VPS13B: variants seen among roughly 807,000 people sequenced by gnomAD.
VPS13B encodes the protein vacuolar protein sorting 13 homolog B, also known as intermembrane lipid transfer protein VPS13B.
In VPS13B, 285 loss-of-function variants were observed where a neutral mutation model predicts 426.4. The observed-to-expected ratio is 0.67, with a 90% CI of 0.61 to 0.74. VPS13B has a LOEUF of 0.74. Among genes scored for constraint, VPS13B ranks in the 30% least tolerant of loss-of-function variants. VPS13B has a pLI of 0.00. For missense variants in VPS13B, 4,537 were observed against 4,782.6 expected (o/e 0.95, Z 1.51); for synonymous variants, 1,676 against 1,676.4 (o/e 1.00, Z 0.01).
intron 17 of VPS13B, among the ~76,000 whole-genome samples, chr8:99,196,691 G>A (rs1021493920): frequency 8.6e-5 from 13 of 151,862 alleles, no homozygotes; most frequent in African/African-American, 1.9e-4. Context: ...CACCCACCTC[G>A]TCCTCCTAAA....
chr8:99,225,718 T>C (rs567843689), intron 17 of VPS13B, among the ~76,000 whole-genome samples: 1 of 152,346 alleles, frequency 6.6e-6, no homozygotes, highest in Non-Finnish European at 1.5e-5. Flanking sequence ...TTGTTTCTAA[T>C]AGTACTGTTG....
chr8:99,747,158 A>C (rs1810130907), intron 39 of VPS13B, among the ~76,000 whole-genome samples: 1 of 152,122 alleles, frequency 6.6e-6, no homozygotes, highest in Non-Finnish European at 1.5e-5. Context: ...GAAAAGGATT[A>C]TTGGGCCAGA....
At chr8:99,391,017 A>G (rs1814413435) in intron 20 of VPS13B, among the ~76,000 whole-genome samples, 1 of 152,252 alleles carries the variant, frequency 6.6e-6, no homozygotes, top group Admixed American at 6.5e-5. Context: ...TTGTCAGACA[A>G]AACGTAGAGA....
At chr8:99,252,726 A>C (rs112482995) in intron 17 of VPS13B, among the ~76,000 whole-genome samples, 1 of 152,014 alleles carries the variant, frequency 6.6e-6, no homozygotes, top group Non-Finnish European at 1.5e-5. Context: ...ACATATTTCA[A>C]ATTGCTGTGT....
At chr8:99,697,916 C>A in intron 35 of VPS13B, 1 of 451,736 alleles carries the variant, frequency 2.2e-6, no homozygotes, top group South Asian at 1.9e-5. Flanking sequence ...CAAAGATGTT[C>A]ATGCCTCCAC....
intron 19 of VPS13B, among the ~76,000 whole-genome samples, chr8:99,306,804 A>G (rs191974101): frequency 4.9e-4 from 75 of 152,206 alleles, no homozygotes; most frequent in African/African-American, 1.6e-3. Flanking sequence ...CTCAGAACTT[A>G]TACTAAAAAA....
intron 21 of VPS13B, among the ~76,000 whole-genome samples, chr8:99,400,817 C>T (rs1347778350): frequency 5.9e-5 from 9 of 152,064 alleles, no homozygotes. Flanking sequence ...ATTACAGGTG[C>T]CCACCACCAC....
rs747097247 is a variant in VPS13B, at chr8:99,326,452, C to CTTTT, written c.2824+51225_2824+51228dup. Among the ~76,000 whole-genome samples, 52 of 32,520 alleles carry CTTTT rather than the reference C, an allele frequency of 1.6e-3. 17 individuals carry two copies. Among genetic ancestry groups the CTTTT allele is most frequent in the South Asian group, 0.01 (4 of 396 alleles). 21.3% of individuals were successfully genotyped at this position (32,520 alleles called of 152,430 possible). ...ATTTCTATCTATCATCTCTAGGTAG[C>CTTTT]TTTTTTTTTTTTTTTTTTTTTTTTT... On this transcript the variant is annotated intron_variant, in intron 19 of 61. Coordinates refer to ENST00000357162, the MANE Select transcript of VPS13B (RefSeq NM_152564.5).
In VPS13B at chr8:99,400,283, A is replaced by C. The variant is rs937929496; in HGVS notation, c.3082+8579A>C. On this transcript the variant is annotated intron_variant, in intron 21 of 61. Transcript: ENST00000357162. ...AAACAACAAAAAGAGGGAGGGGGAA[A>C]TAAGAACCCCCATCCCCACCCCAAA... 4.6e-5 allele frequency among the ~76,000 whole-genome samples: 7 copies of C among 152,218 alleles called. 1 individual carries two copies. Among genetic ancestry groups the C allele is most frequent in the African/African-American group, 1.7e-4 (7 of 41,458 alleles).
rs3105195 is a variant in VPS13B, at chr8:99,442,882, G to A, written c.3445+247G>A. ...ATAATATAATCATTAAAATGTAAACGTAGGAAAAATTAACTTGGGAAGAAA... is the reference window on the plus strand; with the variant it reads ...ATAATATAATCATTAAAATGTAAACATAGGAAAAATTAACTTGGGAAGAAA... On this transcript the variant is annotated intron_variant, in intron 23 of 61. Transcript: ENST00000357162. 0.17 allele frequency among the ~76,000 whole-genome samples: 26,428 copies of A among 151,838 alleles called. 2,815 individuals carry two copies. The highest frequency in any genetic ancestry group is 0.38 in the East Asian group (1,951 of 5,154).
intron 54 of VPS13B, among the ~76,000 whole-genome samples, chr8:99,836,489 T>G (rs1815399956): frequency 6.9e-6 from 1 of 145,534 alleles, no homozygotes; most frequent in South Asian, 2.3e-4. Flanking sequence ...TTGCCTGCTC[T>G]AAGTATCTCA....
At chr8:99,368,556 A>T (rs943127208) in intron 19 of VPS13B, among the ~76,000 whole-genome samples, 1 of 152,098 alleles carries the variant, frequency 6.6e-6, no homozygotes, top group Admixed American at 6.5e-5. Flanking sequence ...ATAGAATATT[A>T]TTTCTGTCTC....
intron 22 of VPS13B, 119 bp downstream of exon 22, chr8:99,431,783 T>C (rs1817125553): frequency 9.1e-7 from 1 of 1,094,892 alleles, no homozygotes; most frequent in Non-Finnish European, 1.3e-6. Context: ...CATCTCATTT[T>C]CTTAATTTAG....
chr8:99,839,833 T>C (rs182089187), intron 54 of VPS13B, among the ~76,000 whole-genome samples: 4 of 152,360 alleles, frequency 2.6e-5, no homozygotes, highest in Non-Finnish European at 4.4e-5. Context: ...GTGGTGGCTA[T>C]GAGAAATTTT....
intron 15 of VPS13B, among the ~76,000 whole-genome samples, chr8:99,163,889 G>A (rs1357310400): frequency 6.6e-6 from 1 of 152,258 alleles, no homozygotes; most frequent in Non-Finnish European, 1.5e-5. Flanking sequence ...TGCAACCAAA[G>A]TGGGAGCCCA....
Position 99,699,612 on chromosome 8 carries a change from T to A in VPS13B, c.6134T>A (p.Ile2045Lys). ...CAGATAAACCTTTTTTTAAAGAAGA[T>A]AAAAAATGCACACAGTTTGGCACAT... ...LDQINLFLKK[I>K]KNAHSLAHSE... Residue 2045 changes from isoleucine (I) to lysine (K), a missense_variant, in exon 36 of 62, where the codon ATA becomes AAA. By Grantham distance (102) the Ile-to-Lys change is moderately radical. Coordinates refer to ENST00000357162, the MANE Select transcript of VPS13B (RefSeq NM_152564.5). 6.2e-7 allele frequency: 1 copy of A among 1,614,018 alleles called. No homozygotes were observed. Among genetic ancestry groups the A allele is most frequent in the Non-Finnish European group, 8.5e-7 (1 of 1,179,980 alleles).
chr8:99,557,848 T>A (rs1472528672), intron 31 of VPS13B, among the ~76,000 whole-genome samples: 1 of 152,168 alleles, frequency 6.6e-6, no homozygotes, highest in Admixed American at 6.5e-5. Flanking sequence ...AAAGGCGGTA[T>A]TAGGCATTAA....
chr8:99,388,532 T>C (rs1814250505), intron 20 of VPS13B, among the ~76,000 whole-genome samples: 1 of 152,138 alleles, frequency 6.6e-6, no homozygotes, highest in South Asian at 2.1e-4. Context: ...TGAGACTAGA[T>C]TGCAACTGAA....
chr8:99,445,420 G>A (rs1054629269), intron 23 of VPS13B, among the ~76,000 whole-genome samples: 4 of 149,566 alleles, frequency 2.7e-5, no homozygotes, highest in South Asian at 2.1e-4. Flanking sequence ...AGCTATGATC[G>A]CACCACTGCA....
Sources: gnomAD v4.1 joint callset for allele counts (sites outside exome capture counted in the v4.1 genomes callset) on GRCh38, gnomAD v4.1.1 for gene constraint, MANE v1.5 for transcripts, NCBI Gene and HGNC (gene_info 2026-07-23, HGNC 2026-07-21) for gene names.